Variants in ZBTB11 observed in about 807,000 individuals in gnomAD.
The protein encoded by ZBTB11 is zinc finger and BTB domain-containing protein 11.
A neutral mutation model predicts 113.1 loss-of-function variants in ZBTB11; 68 were observed. The observed-to-expected ratio is 0.60, with a 90% CI of 0.49 to 0.74. ZBTB11 has a LOEUF of 0.74. Ranked by LOEUF, ZBTB11 falls within the 30% of genes least tolerant of loss-of-function variation. ZBTB11 has a pLI of 0.00. For synonymous variants in ZBTB11, 518 were observed against 452.6 expected (o/e 1.14, Z -1.83); for missense variants, 1,104 against 1,279.4 (o/e 0.86, Z 2.09).
intron 5 of ZBTB11, among the ~76,000 whole-genome samples, chr3:101,663,356 G>C (rs1049613268): frequency 6.6e-6 from 1 of 152,162 alleles, no homozygotes; most frequent in Non-Finnish European, 1.5e-5. Flanking sequence ...ATAGGTGTGA[G>C]CCACTGCGCC....
At chr3:101,661,495 ATAAT>A (rs1334106847) in intron 5 of ZBTB11, among the ~76,000 whole-genome samples, 2 of 152,240 alleles carry the variant, frequency 1.3e-5, no homozygotes, top group Non-Finnish European at 2.9e-5. Context: ...ACCATCATAA[ATAAT>A]TAAAAGTTTG....
chr3:101,664,955 A>G lies in ZBTB11; in HGVS notation c.1623+9T>C. 6.3e-7 allele frequency: 1 copy of G among 1,598,778 alleles called. No homozygotes were observed. Among genetic ancestry groups the G allele is most frequent in the Non-Finnish European group, 8.5e-7 (1 of 1,172,052 alleles). On this transcript the variant is annotated intron_variant, in intron 4 of 10. Coordinates refer to ENST00000312938, the MANE Select transcript of ZBTB11 (RefSeq NM_014415.4). ...AAAACTACAAAGGTCAACCCTTCTT[A>G]CATCATACCTGTTGAACTGCTGACT...
rs573758793 is a variant in ZBTB11, at chr3:101,652,443, T to G, written c.2644+53A>C. ...AAAGAGCTGGTAAAGGGAGAATCACTACTGGACTGGCTTTTATTCTATAAG... is the reference window on the plus strand; with the variant it reads ...AAAGAGCTGGTAAAGGGAGAATCACGACTGGACTGGCTTTTATTCTATAAG... On this transcript the variant is annotated intron_variant, in intron 10 of 10. Coordinates refer to ENST00000312938, the MANE Select transcript of ZBTB11 (RefSeq NM_014415.4). The G allele has an allele frequency of 3.2e-6, 5 of 1,552,014 alleles. No individual in the cohort carries two copies. The South Asian group carries it at 6.0e-5, about 19-fold the overall frequency.
intron 1 of ZBTB11, among the ~76,000 whole-genome samples, chr3:101,674,719 A>G: frequency 6.6e-6 from 1 of 151,760 alleles, no homozygotes; most frequent in East Asian, 1.9e-4. Flanking sequence ...AATAAAATAA[A>G]TAAATAAATA....
intron 1 of ZBTB11, among the ~76,000 whole-genome samples, chr3:101,672,864 T>C (rs1355768542): frequency 6.6e-6 from 1 of 152,240 alleles, no homozygotes. Flanking sequence ...ACTGAGTATT[T>C]TGCACCAGTT....
chr3:101,670,087 C>G (rs1165371202), intron 3 of ZBTB11, among the ~76,000 whole-genome samples: 1 of 152,174 alleles, frequency 6.6e-6, no homozygotes, highest in Non-Finnish European at 1.5e-5. Flanking sequence ...CTCAGCCTCC[C>G]AAAGTGCTGG....
Position 101,659,807 on chromosome 3 carries a change from T to C in ZBTB11, c.2022A>G (p.Thr674=), listed in dbSNP as rs776104074. The C allele has an allele frequency of 2.2e-5, 35 of 1,614,128 alleles. No homozygotes were observed. Among genetic ancestry groups the C allele is most frequent in the Non-Finnish European group, 2.6e-5 (31 of 1,180,042 alleles). ...CCTGGCATGCATGTGGCTTTACACC[T>C]GTGTGCTTTAACATATGTATTCGGA... The part of the protein sequence containing the change: ...YSLRIHMLKH[T]GVKPHACQVC... The change falls in exon 6 of 11, where the codon ACA becomes ACG. Residue 674 remains threonine, a synonymous_variant. Coordinates refer to ENST00000312938, the MANE Select transcript of ZBTB11 (RefSeq NM_014415.4).
At chr3:101,659,697 G>A in intron 6 of ZBTB11, 86 bp downstream of exon 6, 1 of 1,495,550 alleles carries the variant, frequency 6.7e-7, no homozygotes, top group Middle Eastern at 2.0e-4. Context: ...AGAGTGACTT[G>A]AGAATACATA....
chr3:101,669,864 T>A (rs1157854528), intron 3 of ZBTB11, among the ~76,000 whole-genome samples: 1 of 151,786 alleles, frequency 6.6e-6, no homozygotes, highest in African/African-American at 2.4e-5. Context: ...GTTTTGCTCT[T>A]GTCACCCAGG....
chr3:101,663,973 G>A (rs1048782002), intron 5 of ZBTB11, among the ~76,000 whole-genome samples: 3 of 152,094 alleles, frequency 2.0e-5, no homozygotes, highest in African/African-American at 7.2e-5. Context: ...ACTCTTCCCT[G>A]TTTTGAGTAC....
chr3:101,656,547 T>C (rs1936802009), intron 6 of ZBTB11, among the ~76,000 whole-genome samples: 1 of 152,194 alleles, frequency 6.6e-6, no homozygotes, highest in Admixed American at 6.5e-5. Context: ...GTATACCTTA[T>C]ATTAAGAGAC....
chr3:101,668,845 C>G (rs745941667), intron 3 of ZBTB11, among the ~76,000 whole-genome samples: 3 of 151,490 alleles, frequency 2.0e-5, no homozygotes, highest in Non-Finnish European at 4.4e-5. Context: ...CAGGGACTAT[C>G]TGAAAATAAA....
At chr3:101,672,301 AGTACATAT>A (rs1301711694) in intron 1 of ZBTB11, 88 bp from the exon 2 acceptor site, 1 of 850,874 alleles carries the variant, frequency 1.2e-6, no homozygotes, top group Non-Finnish European at 1.8e-6. Flanking sequence ...AACACATTTC[AGTACATAT>A]GTGCAGACAT....
Position 101,677,041 on chromosome 3 carries a change from C to G in ZBTB11, c.-127G>C. The G allele has an allele frequency of 1.9e-6, 2 of 1,055,494 alleles. No homozygotes were observed. The highest frequency in any genetic ancestry group is 2.6e-6 in the Non-Finnish European group (2 of 758,680). 65.4% of individuals were successfully genotyped at this position (1,055,494 alleles called of 1,614,324 possible). On this transcript the variant is annotated 5_prime_UTR_variant, in exon 1 of 11. Coordinates refer to ENST00000312938, the MANE Select transcript of ZBTB11 (RefSeq NM_014415.4). ...AACGGCTGCGCCTTTGGCGAGCGCTCTTCGACGGCTCCCTTAGTCCGAAGG... is the reference window on the plus strand; with the variant it reads ...AACGGCTGCGCCTTTGGCGAGCGCTGTTCGACGGCTCCCTTAGTCCGAAGG...
In ZBTB11 at chr3:101,659,876, A is replaced by G; in HGVS notation, c.1953T>C (p.Phe651=). The change falls in exon 6 of 11, where the codon TTT becomes TTC. Residue 651 remains phenylalanine (F), a synonymous_variant. Transcript: ENST00000312938. Reference sequence around the variant, plus strand: ...ATGTTCTTCCACATATGGAACATATAAATTCCCGCTTGGTTCTGCCCTTCT... The same window carrying G: ...ATGTTCTTCCACATATGGAACATATGAATTCCCGCTTGGTTCTGCCCTTCT... The part of the protein sequence containing the change: ...SSEKGRTKRE[F]ICSICGRTLP... The G allele has an allele frequency of 2.5e-6, 4 of 1,614,206 alleles. No homozygotes were observed. The highest frequency in any genetic ancestry group is 1.1e-5 in the South Asian group (1 of 91,090).
chr3:101,654,684 C>T lies in ZBTB11; in HGVS notation c.2309+20G>A, dbSNP rs1252418684. 4 of 1,574,976 alleles carry T rather than the reference C, an allele frequency of 2.5e-6. No homozygotes were observed. Among genetic ancestry groups the T allele is most frequent in the African/African-American group, 1.4e-5 (1 of 73,580 alleles). On this transcript the variant is annotated intron_variant, in intron 8 of 10. Coordinates refer to ENST00000312938, the MANE Select transcript of ZBTB11 (RefSeq NM_014415.4). ...AAACATAATTAAATTAACTGAATGC[C>T]TCACATATTGAATACTTACTGAGTA...
intron 6 of ZBTB11, among the ~76,000 whole-genome samples, chr3:101,658,227 ATT>A (rs200382292): frequency 3.5e-5 from 5 of 143,376 alleles, no homozygotes; most frequent in Admixed American, 1.4e-4. Context: ...TTAAAAATTA[ATT>A]TTTTTTTTTT....
At chr3:101,674,358 C>T (rs550261992) in intron 1 of ZBTB11, among the ~76,000 whole-genome samples, 4 of 151,636 alleles carry the variant, frequency 2.6e-5, no homozygotes, top group Non-Finnish European at 5.9e-5. Flanking sequence ...ACAATGGGTT[C>T]GAGTTAAATA....
chr3:101,665,018 TC>T lies in ZBTB11; in HGVS notation c.1568del (p.Gly523GlufsTer24). 6.2e-7 allele frequency: 1 copy of T among 1,613,364 alleles called. No homozygotes were observed. The highest frequency in any genetic ancestry group is 2.2e-5 in the East Asian group (1 of 44,860). On this transcript the variant is annotated frameshift_variant, in exon 4 of 11. Transcript: ENST00000312938. LOFTEE classifies it high-confidence loss of function. ...NEGAYIRLHK[G>X]MEKKLQKRKA... ...TCCGTTTCTGCAGCTTTTTCTCCAT[TC>T]CCTTGTGTAGTCGAATATATGCCCC...
Sources: gnomAD v4.1 joint callset for allele counts (sites outside exome capture counted in the v4.1 genomes callset) on GRCh38, gnomAD v4.1.1 for gene constraint, MANE v1.5 for transcripts, NCBI Gene and HGNC (gene_info 2026-07-23, HGNC 2026-07-21) for gene names.